Variants in ESR1 observed in about 807,000 individuals in gnomAD.
ESR1 encodes the protein estrogen receptor.
In ESR1, 12 loss-of-function variants were observed where a neutral mutation model predicts 52.7. That is an observed-to-expected ratio of 0.23 (90% CI 0.15 to 0.37). The LOEUF (loss-of-function observed/expected upper bound fraction) is 0.37, where lower values mean the gene tolerates loss of function less well. Ranked by LOEUF, ESR1 falls within the 10% of genes least tolerant of loss-of-function variation. The pLI, the probability that ESR1 is intolerant of heterozygous loss-of-function variation, is 1.00. For synonymous variants in ESR1, 305 were observed against 316.8 expected, an observed-to-expected ratio of 0.96 and a Z score of 0.39; for missense variants, 584 against 779.7, an observed-to-expected ratio of 0.75 and a Z score of 2.99.
At chr6:151,752,347 G>C (rs1783960801) in intron 2 of ESR1, among the ~76,000 whole-genome samples, 2 of 152,020 alleles carry the variant, frequency 1.3e-5, no homozygotes, top group South Asian at 2.1e-4. Context: ...TCTTAATAAT[G>C]ATTTAGAATA....
chr6:151,840,667 C>T (rs763552261), intron 1 of ESR1, among the ~76,000 whole-genome samples: 3 of 152,216 alleles, frequency 2.0e-5, no homozygotes, highest in Admixed American at 1.3e-4. Flanking sequence ...CAGTGTGGTT[C>T]GGGTATTTGG....
At chr6:152,076,527 A>C (rs2048747313) in intron 6 of ESR1, among the ~76,000 whole-genome samples, 1 of 152,232 alleles carries the variant, frequency 6.6e-6, no homozygotes. Context: ...GGAACTGGAT[A>C]TCAGGGAGAG....
chr6:152,111,285 T>G (rs1419218589), intron 6 of ESR1, among the ~76,000 whole-genome samples: 4 of 152,178 alleles, frequency 2.6e-5, no homozygotes, highest in Non-Finnish European at 5.9e-5. Flanking sequence ...GGCAAACATT[T>G]AAAAAAGTGA....
chr6:152,013,160 C>T (rs1170899758), intron 5 of ESR1, among the ~76,000 whole-genome samples: 5 of 152,058 alleles, frequency 3.3e-5, no homozygotes, highest in Admixed American at 1.3e-4. Flanking sequence ...ATGTCTTTAC[C>T]GTGTTCTTTC....
chr6:151,669,226 A>C (rs1359796348), intron 1 of ESR1, among the ~76,000 whole-genome samples: 1 of 114,870 alleles, frequency 8.7e-6, no homozygotes, highest in Non-Finnish European at 1.7e-5. Flanking sequence ...GTGAGAAAGC[A>C]GCTGCATTGC....
At chr6:151,956,876 A>G (rs1254753724) in intron 4 of ESR1, among the ~76,000 whole-genome samples, 2 of 89,658 alleles carry the variant, frequency 2.2e-5, no homozygotes, top group African/African-American at 6.2e-5. Context: ...ATATATATAT[A>G]TATAAAATTT....
Position 152,099,134 on chromosome 6 carries a change from A to G in ESR1, c.*168A>G. 1 of 653,504 alleles carries G rather than the reference A, an allele frequency of 1.5e-6. No homozygotes were observed. The highest frequency in any genetic ancestry group is 2.8e-6 in the Non-Finnish European group (1 of 360,256). 40.5% of individuals were successfully genotyped at this position (653,504 alleles called of 1,614,324 possible). ...TTGCTTGCTCAGTTCTTAGTGGCACATCTTCTGTCTTCTGTTGGGAACAGC... is the reference window on the plus strand; with the variant it reads ...TTGCTTGCTCAGTTCTTAGTGGCACGTCTTCTGTCTTCTGTTGGGAACAGC... On this transcript the variant is annotated 3_prime_UTR_variant, in exon 8 of 8. Coordinates refer to ENST00000206249, the MANE Select transcript of ESR1 (RefSeq NM_000125.4).
intron 6 of ESR1, among the ~76,000 whole-genome samples, chr6:152,068,096 G>C (rs910347679): frequency 6.6e-6 from 1 of 152,190 alleles, no homozygotes; most frequent in Admixed American, 6.5e-5. Flanking sequence ...CATGCCTGGG[G>C]CAGACTCCTG....
intron 2 of ESR1, among the ~76,000 whole-genome samples, chr6:151,788,946 C>T (rs1221971499): frequency 6.6e-6 from 1 of 152,082 alleles, no homozygotes; most frequent in Non-Finnish European, 1.5e-5. Context: ...ACACTGGGGC[C>T]TATCAGAGGG....
At chr6:151,987,839 T>C (rs1348366883) in intron 4 of ESR1, among the ~76,000 whole-genome samples, 2 of 152,146 alleles carry the variant, frequency 1.3e-5, no homozygotes, top group Non-Finnish European at 2.9e-5. Flanking sequence ...GTATGCCATG[T>C]CTATCTTTTA....
intron 4 of ESR1, among the ~76,000 whole-genome samples, chr6:151,970,986 T>A (rs1041448130): frequency 4.6e-5 from 7 of 152,130 alleles, no homozygotes; most frequent in Non-Finnish European, 1.0e-4. Flanking sequence ...CATACCAGAG[T>A]TGTTTGTGGA....
At position 152,061,728 on chromosome 6, in the gene ESR1, C is replaced by CA. The variant is rs1258914649; in HGVS notation, c.1369+605dup. On this transcript the variant is annotated intron_variant, in intron 6 of 7. Coordinates refer to ENST00000206249, the MANE Select transcript of ESR1 (RefSeq NM_000125.4). The surrounding 1 kb of genome is among the most constrained non-coding windows in gnomAD (Gnocchi z 4.3). ...TTTGAGAAAGCTTAGCTAAGAGCAA[C>CA]ATCTGTTTTTTGTTTTTGTTTTTGT... Among the ~76,000 whole-genome samples, 3 of 152,178 alleles carry CA rather than the reference C, an allele frequency of 2.0e-5. No homozygotes were observed. Among genetic ancestry groups the CA allele is most frequent in the Non-Finnish European group, 4.4e-5 (3 of 68,040 alleles).
chr6:151,753,376 G>A (rs146450337), intron 2 of ESR1, among the ~76,000 whole-genome samples: 1 of 150,352 alleles, frequency 6.7e-6, no homozygotes, highest in Non-Finnish European at 1.5e-5. Context: ...GGAGTGCAGT[G>A]GCGTGATCTT....
rs1411351226 is a variant in ESR1 at position 151,780,240 on chromosome 6, G to A, written c.-70-27603G>A. ...GGGGTCAAGGGGAAGAATAGCATTA[G>A]GAGAAATATCTAATGTAGATGACGA... On this transcript the variant is annotated intron_variant, in intron 2 of 2. Transcript: ENST00000404742. Among the ~76,000 whole-genome samples the A allele has an allele frequency of 2.0e-5, 3 of 152,012 alleles. 1 individual carries two copies. The highest frequency in any genetic ancestry group is 4.4e-5 in the Non-Finnish European group (3 of 68,030).
intron 2 of ESR1, among the ~76,000 whole-genome samples, chr6:151,879,238 G>A (rs1792367372): frequency 6.6e-6 from 1 of 152,166 alleles, no homozygotes; most frequent in Non-Finnish European, 1.5e-5. Flanking sequence ...CGGGAAGGGA[G>A]GTATCAACAT....
chr6:151,710,476 A>C (rs74565161), intron 2 of ESR1, among the ~76,000 whole-genome samples: 1 of 152,330 alleles, frequency 6.6e-6, no homozygotes, highest in Admixed American at 6.5e-5. Flanking sequence ...CCAAAATATT[A>C]GCTTGAAACA....
chr6:151,976,228 G>A (rs1461892651), intron 4 of ESR1, among the ~76,000 whole-genome samples: 1 of 152,090 alleles, frequency 6.6e-6, no homozygotes, highest in African/African-American at 2.4e-5. Context: ...GAAGAGGGTA[G>A]CCTATGAAAG....
At chr6:151,969,173 G>A (rs1282990397) in intron 4 of ESR1, among the ~76,000 whole-genome samples, 1 of 152,164 alleles carries the variant, frequency 6.6e-6, no homozygotes, top group African/African-American at 2.4e-5. Context: ...TACCTCTGAT[G>A]TGTTGGGTTG....
intron 4 of ESR1, 43 bp downstream of exon 4, chr6:151,944,551 A>C (rs1172223522): frequency 6.4e-7 from 1 of 1,559,780 alleles, no homozygotes. Flanking sequence ...ATAGCTTTTC[A>C]AGAACTTGTT....
Sources: gnomAD v4.1 joint callset for allele counts (sites outside exome capture counted in the v4.1 genomes callset) on GRCh38, gnomAD v4.1.1 for gene constraint, Gnocchi (gnomAD v3.1) non-coding constraint, MANE v1.5 for transcripts, NCBI Gene and HGNC (gene_info 2026-07-23, HGNC 2026-07-21) for gene names.